KLHL22: variants seen among roughly 807,000 people sequenced by gnomAD.
KLHL22 encodes kelch-like protein 22.
KLHL22 carries 18 observed loss-of-function variants against 60.7 expected under a neutral mutation model. The observed-to-expected ratio is 0.30, with a 90% CI of 0.20 to 0.44. The LOEUF (loss-of-function observed/expected upper bound fraction) is 0.44. Ranked by LOEUF, KLHL22 falls within the 20% of genes least tolerant of loss-of-function variation. The pLI is 1.00. For missense variants in KLHL22, 596 were observed against 852.3 expected, an observed-to-expected ratio of 0.70 and a Z score of 3.74; for synonymous variants, 355 against 354.5, an observed-to-expected ratio of 1.00 and a Z score of -0.01.
intron 2 of KLHL22, among the ~76,000 whole-genome samples, chr22:20,480,685 T>C (rs903440614): frequency 6.6e-6 from 1 of 152,164 alleles, no homozygotes; most frequent in Admixed American, 6.6e-5. Flanking sequence ...CCACGGGATC[T>C]GGGTCGGTGC....
chr22:20,461,737 C>T (rs1230049750), intron 4 of KLHL22, among the ~76,000 whole-genome samples: 2 of 151,362 alleles, frequency 1.3e-5, no homozygotes, highest in East Asian at 3.9e-4. Context: ...CTGAGGCAGG[C>T]GGATCACCTG....
At chr22:20,483,721 T>A in intron 2 of KLHL22, 1 of 736,326 alleles carries the variant, frequency 1.4e-6, no homozygotes, top group Non-Finnish European at 2.5e-6. Context: ...GGTCTTGAAG[T>A]AATGCCTCCA....
chr22:20,484,347 T>C (rs556573157), intron 2 of KLHL22, among the ~76,000 whole-genome samples: 5 of 152,144 alleles, frequency 3.3e-5, no homozygotes, highest in Admixed American at 6.5e-5. Context: ...CAGTCTGGAG[T>C]GCAGTGACGC....
chr22:20,469,975 T>C (rs2053288308), intron 3 of KLHL22, among the ~76,000 whole-genome samples: 1 of 151,964 alleles, frequency 6.6e-6, no homozygotes, highest in South Asian at 2.1e-4. Flanking sequence ...AGAATAATCA[T>C]CCAAAACATA....
At chr22:20,458,120 A>C in intron 4 of KLHL22, 120 bp from the exon 5 acceptor site, 2 of 1,019,212 alleles carry the variant, frequency 2.0e-6, no homozygotes, top group Non-Finnish European at 2.9e-6. Context: ...ACCCTCCCCA[A>C]CTACCCCACA....
intron 3 of KLHL22, among the ~76,000 whole-genome samples, chr22:20,471,100 C>CA (rs1351009669): frequency 6.6e-6 from 1 of 152,080 alleles, no homozygotes; most frequent in African/African-American, 2.4e-5. Context: ...CAGGGAGACT[C>CA]AGACAGTGGG....
chr22:20,479,461 G>C (rs931224611), intron 2 of KLHL22, among the ~76,000 whole-genome samples: 3 of 152,082 alleles, frequency 2.0e-5, no homozygotes, highest in South Asian at 4.2e-4. Context: ...CAGCACTTTG[G>C]GAGGCTGAGG....
chr22:20,477,556 T>A (rs150653728), intron 2 of KLHL22, among the ~76,000 whole-genome samples: 1 of 152,150 alleles, frequency 6.6e-6, no homozygotes, highest in East Asian at 1.9e-4. Context: ...CAGTGAGCTA[T>A]GATGACACCA....
chr22:20,449,999 T>C (rs1367029418), intron 5 of KLHL22: 1 of 586,700 alleles, frequency 1.7e-6, no homozygotes, highest in Non-Finnish European at 3.1e-6. Flanking sequence ...CTGAGCCACC[T>C]GCTGGACCCG....
At chr22:20,455,152 G>A (rs1220079872) in intron 5 of KLHL22, among the ~76,000 whole-genome samples, 1 of 152,094 alleles carries the variant, frequency 6.6e-6, no homozygotes, top group African/African-American at 2.4e-5. Flanking sequence ...CAAAGTGCTG[G>A]GATTACAGAC....
chr22:20,489,635 AT>A (rs1485242714), intron 1 of KLHL22: 4 of 465,924 alleles, frequency 8.6e-6, no homozygotes, highest in Non-Finnish European at 1.7e-5. Context: ...CCATTGGGGT[AT>A]TCTAAAATTG....
intron 5 of KLHL22, among the ~76,000 whole-genome samples, chr22:20,447,253 ATGGGCACCT>A (rs1214396667): frequency 6.6e-6 from 1 of 152,082 alleles, no homozygotes; most frequent in African/African-American, 2.4e-5. Context: ...TGCCCCCATC[ATGGGCACCT>A]CTTACCCTGG....
chr22:20,477,013 A>G (rs1456358919), intron 2 of KLHL22, among the ~76,000 whole-genome samples: 3 of 151,474 alleles, frequency 2.0e-5, no homozygotes, highest in Non-Finnish European at 4.4e-5. Context: ...GCCGGACACA[A>G]ACTTTTACCA....
At chr22:20,450,518 A>C (rs1042619073) in intron 5 of KLHL22, 1 of 1,614,004 alleles carries the variant, frequency 6.2e-7, no homozygotes, top group African/African-American at 1.3e-5. Context: ...GACCCTTCTA[A>C]TTGCCTGGGT....
intron 1 of KLHL22, among the ~76,000 whole-genome samples, chr22:20,494,085 A>C (rs76833455): frequency 0.024 from 1,385 of 57,644 alleles, 27 homozygotes; most frequent in African/African-American, 0.064. Flanking sequence ...CCCCCCCCCC[A>C]AAAAAAAAAG....
chr22:20,443,944 C>T (rs928508502), intron 6 of KLHL22, among the ~76,000 whole-genome samples: 6 of 150,264 alleles, frequency 4.0e-5, no homozygotes, highest in Admixed American at 6.6e-5. Context: ...CTAGCTACTC[C>T]GGAGGCTGAA....
chr22:20,491,180 C>T (rs1365461100), intron 1 of KLHL22: 1 of 152,240 alleles, frequency 6.6e-6, no homozygotes, highest in African/African-American at 2.4e-5. Flanking sequence ...TGGTGCAGAG[C>T]TTCCAGGCCC....
chr22:20,494,122 C>T (rs1476334428), intron 1 of KLHL22, among the ~76,000 whole-genome samples: 1 of 144,894 alleles, frequency 6.9e-6, no homozygotes, highest in Non-Finnish European at 1.5e-5. Flanking sequence ...CATGGTGGCT[C>T]ATGCCTGTAA....
intron 2 of KLHL22, among the ~76,000 whole-genome samples, chr22:20,472,116 G>T (rs1323688709): frequency 6.6e-6 from 1 of 151,860 alleles, no homozygotes; most frequent in East Asian, 1.9e-4. Context: ...GCATGATGTT[G>T]TGCATCTGTA....
Sources: gnomAD v4.1 joint callset for allele counts (sites outside exome capture counted in the v4.1 genomes callset) on GRCh38, gnomAD v4.1.1 for gene constraint, MANE v1.5 for transcripts, NCBI Gene and HGNC (gene_info 2026-07-23, HGNC 2026-07-21) for gene names.